GPR158: variants seen among roughly 807,000 people sequenced by gnomAD.
GPR158 encodes metabotropic glycine receptor.
GPR158 carries 30 observed loss-of-function variants against 78.2 expected under a neutral mutation model. The ratio of observed to expected loss-of-function variants is 0.38; its 90% CI spans 0.29 to 0.52. The LOEUF (loss-of-function observed/expected upper bound fraction) is 0.52, where lower values mean the gene tolerates loss of function less well. Among genes scored for constraint, GPR158 ranks in the 20% least tolerant of loss-of-function variants. GPR158 has a pLI of 0.83. For missense variants in GPR158, 1,463 were observed against 1,523.5 expected, an observed-to-expected ratio of 0.96 and a Z score of 0.66; for synonymous variants, 581 against 591.1, an observed-to-expected ratio of 0.98 and a Z score of 0.25.
intron 2 of GPR158, among the ~76,000 whole-genome samples, chr10:25,321,301 G>A (rs1013903429): frequency 2.0e-5 from 3 of 152,140 alleles, no homozygotes; most frequent in South Asian, 2.1e-4. Context: ...AGCATCTCTA[G>A]ATATATTGGG....
chr10:25,178,726 G>C (rs1417622037), intron 1 of GPR158, among the ~76,000 whole-genome samples: 1 of 152,134 alleles, frequency 6.6e-6, no homozygotes. Context: ...CATATCCTGT[G>C]CCCTTCAAAT....
chr10:25,289,534 C>T (rs1315784950), intron 2 of GPR158, among the ~76,000 whole-genome samples: 1 of 151,928 alleles, frequency 6.6e-6, no homozygotes, highest in East Asian at 1.9e-4. Context: ...CTGGGTTCAC[C>T]CCATTCTCCT....
At chr10:25,217,923 ACAG>A (rs1296882372) in intron 1 of GPR158, among the ~76,000 whole-genome samples, 1 of 151,876 alleles carries the variant, frequency 6.6e-6, no homozygotes, top group African/African-American at 2.4e-5. Context: ...AGGCCATGAA[ACAG>A]CAGCCAGCTT....
chr10:25,599,585 T>A lies in GPR158; in HGVS notation c.*311T>A, dbSNP rs1292237435. On this transcript the variant is annotated 3_prime_UTR_variant, in exon 11 of 11. Coordinates refer to ENST00000376351, the MANE Select transcript of GPR158 (RefSeq NM_020752.3). ...ATATGTATCCATGGGACTTTGAAGA[T>A]CCTAAGCCAGGTAAACCAGGAGACA... 11 of 247,142 alleles carry A rather than the reference T, an allele frequency of 4.5e-5. No homozygotes were observed. The highest frequency in any genetic ancestry group is 1.6e-5 in the Non-Finnish European group (2 of 128,862). The allele number at this position is 247,142 out of a possible 1,614,324, so 15.3% of individuals were successfully genotyped here.
chr10:25,473,133 A>G lies in GPR158; in HGVS notation c.1404+6414A>G, dbSNP rs560786381. 2.6e-5 allele frequency among the ~76,000 whole-genome samples: 4 copies of G among 151,952 alleles called. No homozygotes were observed. In the East Asian group the frequency reaches 7.7e-4, roughly 29 times the overall value. The stretch of plus-strand genomic sequence containing the variant: ...TATTATTTTGAGATACGTCCCATCA[A>G]TACCTAATTTATTGAGAGTTTTTAG... On this transcript the variant is annotated intron_variant, in intron 5 of 10. Coordinates refer to ENST00000376351, the MANE Select transcript of GPR158 (RefSeq NM_020752.3).
chr10:25,411,933 CAAAAAAAAAAAAAAAAA>C lies in GPR158; in HGVS notation c.1112-296_1112-280del, dbSNP rs1164005677. ...TGGGCGACAGAGCGAGACTCTATCA[CAAAAAAAAAAAAAAAAA>C]AAAAAAAAAAAAAAAAAAAAGACTT... is the stretch of plus-strand genomic sequence containing the variant. On this transcript the variant is annotated intron_variant, in intron 3 of 10. Coordinates refer to ENST00000376351, the MANE Select transcript of GPR158 (RefSeq NM_020752.3). Among the ~76,000 whole-genome samples, 262 of 47,482 alleles carry C rather than the reference CAAAAAAAAAAAAAAAAA, an allele frequency of 5.5e-3. 1 individual carries two copies. Among genetic ancestry groups the C allele is most frequent in the African/African-American group, 0.019 (253 of 13,198 alleles). 31.2% of individuals were successfully genotyped at this position (47,482 alleles called of 152,430 possible).
intron 1 of GPR158, among the ~76,000 whole-genome samples, chr10:25,187,519 C>T (rs553776005): frequency 3.9e-5 from 6 of 152,096 alleles, no homozygotes; most frequent in Non-Finnish European, 7.4e-5. Flanking sequence ...TAAACAGAAC[C>T]AAAGACAAAA....
intron 2 of GPR158, among the ~76,000 whole-genome samples, chr10:25,387,134 T>C (rs1834232371): frequency 6.6e-6 from 1 of 152,196 alleles, no homozygotes. Context: ...CTTTAATATG[T>C]TGAGGTAATT....
At chr10:25,187,155 C>A (rs1265296725) in intron 1 of GPR158, among the ~76,000 whole-genome samples, 1 of 151,750 alleles carries the variant, frequency 6.6e-6, no homozygotes, top group Non-Finnish European at 1.5e-5. Context: ...TTAATAGAGA[C>A]AGGGTTTCAC....
At chr10:25,386,676 T>C (rs907273787) in intron 2 of GPR158, among the ~76,000 whole-genome samples, 1 of 152,200 alleles carries the variant, frequency 6.6e-6, no homozygotes, top group African/African-American at 2.4e-5. Flanking sequence ...TCTTGGTTAC[T>C]CCTAATCATT....
rs535012975 is a variant in GPR158, at chr10:25,303,807, C to T, written c.1008+82650C>T. On this transcript the variant is annotated intron_variant, in intron 2 of 10. Coordinates refer to ENST00000376351, the MANE Select transcript of GPR158 (RefSeq NM_020752.3). ...AAATGTAACAAAAATAAAATGAAAA[C>T]CCTGCCTTTTGGTCTCCATATTATT... Among the ~76,000 whole-genome samples the T allele has an allele frequency of 7.4e-4, 112 of 152,190 alleles. No homozygotes were observed. In the South Asian group the frequency reaches 0.011, roughly 14 times the overall value.
At chr10:25,291,455 T>G (rs542108650) in intron 2 of GPR158, among the ~76,000 whole-genome samples, 1 of 152,158 alleles carries the variant, frequency 6.6e-6, no homozygotes, top group East Asian at 1.9e-4. Context: ...TTTTTCATCA[T>G]AAAGAGGATA....
At chr10:25,583,898 A>G (rs1837234848) in intron 7 of GPR158, among the ~76,000 whole-genome samples, 1 of 152,174 alleles carries the variant, frequency 6.6e-6, no homozygotes, top group South Asian at 2.1e-4. Context: ...TGCACTTTGA[A>G]GTTGTTTTTC....
chr10:25,524,400 A>G (rs929608917), intron 5 of GPR158, among the ~76,000 whole-genome samples: 3 of 152,218 alleles, frequency 2.0e-5, no homozygotes, highest in Non-Finnish European at 4.4e-5. Flanking sequence ...ACTTACTACA[A>G]AGCTGTGCTG....
At chr10:25,528,020 TATAA>T (rs1340616754) in intron 5 of GPR158, among the ~76,000 whole-genome samples, 2 of 152,088 alleles carry the variant, frequency 1.3e-5, no homozygotes, top group Admixed American at 6.5e-5. Flanking sequence ...CACATTTTCA[TATAA>T]ATAAATTTAT....
At chr10:25,302,701 T>C (rs1854617145) in intron 2 of GPR158, among the ~76,000 whole-genome samples, 1 of 152,188 alleles carries the variant, frequency 6.6e-6, no homozygotes, top group Non-Finnish European at 1.5e-5. Context: ...TTGCGAGCCA[T>C]ACAAAAACAG....
intron 5 of GPR158, among the ~76,000 whole-genome samples, chr10:25,483,120 A>G (rs1215270297): frequency 1.3e-5 from 2 of 151,858 alleles, no homozygotes; most frequent in East Asian, 1.9e-4. Flanking sequence ...ATTATAGTCT[A>G]TTTTCAACAC....
In GPR158 at chr10:25,572,686, A is replaced by G. The variant is rs749647101; in HGVS notation, c.1552A>G (p.Ile518Val). 2 of 1,614,038 alleles carry G rather than the reference A, an allele frequency of 1.2e-6. No individual in the cohort carries two copies. The highest frequency in any genetic ancestry group is 2.2e-5 in the South Asian group (2 of 91,082). The change falls in exon 7 of 11, where the codon ATT becomes GTT. Residue 518 changes from isoleucine to valine, a missense_variant. By Grantham distance (29) the Ile-to-Val change is conservative. Coordinates refer to ENST00000376351, the MANE Select transcript of GPR158 (RefSeq NM_020752.3). ...GTTTCTTTCACGAACGGCTCAACGAATTCCATATATGACTGGCGGACGGGT... is the reference window on the plus strand; with the variant it reads ...GTTTCTTTCACGAACGGCTCAACGAGTTCCATATATGACTGGCGGACGGGT... ...KVFLSRTAQR[I>V]PYMTGGRVMR...
At position 25,433,570 on chromosome 10, in the gene GPR158, T is replaced by TGTGTGTGCGC. The variant is rs1554803626; in HGVS notation, c.1335+21098_1335+21099insTGTGTGCGCG. Among the ~76,000 whole-genome samples the TGTGTGTGCGC allele has an allele frequency of 1.1e-3, 148 of 128,728 alleles. 1 individual carries two copies. Among genetic ancestry groups the TGTGTGTGCGC allele is most frequent in the African/African-American group, 3.6e-3 (128 of 35,126 alleles). 84.5% of individuals were successfully genotyped at this position (128,728 alleles called of 152,430 possible). On this transcript the variant is annotated intron_variant, in intron 4 of 10. Transcript: ENST00000376351. ...TGTTGTGTGTGTGTGTGTGTGTGTG[T>TGTGTGTGCGC]GCGCGCGCGCGTGCGCGTGCGCATA... is the stretch of plus-strand genomic sequence containing the variant.
Sources: gnomAD v4.1 joint callset for allele counts (sites outside exome capture counted in the v4.1 genomes callset) on GRCh38, gnomAD v4.1.1 for gene constraint, MANE v1.5 for transcripts, NCBI Gene and HGNC (gene_info 2026-07-23, HGNC 2026-07-21) for gene names.